The following ADAMTS6 variants were observed in gnomAD, a reference collection of about 807,000 sequenced individuals.
ADAMTS6 encodes the protein ADAM metallopeptidase with thrombospondin type 1 motif 6.
ADAMTS6 carries 23 observed loss-of-function variants against 144.3 expected under a neutral mutation model. The observed-to-expected ratio is 0.16, with a 90% CI of 0.11 to 0.23. The LOEUF is 0.23. Among genes scored for constraint, ADAMTS6 ranks in the 10% least tolerant of loss-of-function variants. ADAMTS6 has a pLI of 1.00. For missense variants in ADAMTS6, 999 were observed against 1,379.6 expected (o/e 0.72, Z 4.37); for synonymous variants, 444 against 457.5 (o/e 0.97, Z 0.38).
intron 2 of ADAMTS6, among the ~76,000 whole-genome samples, chr5:65,472,490 A>G (rs551905989): frequency 2.5e-4 from 38 of 152,326 alleles, no homozygotes; most frequent in African/African-American, 9.1e-4. Flanking sequence ...ATTCTATGGT[A>G]TGTGTAGTAA....
chr5:65,266,531 G>A (rs1002273115), intron 12 of ADAMTS6, among the ~76,000 whole-genome samples: 5 of 151,898 alleles, frequency 3.3e-5, no homozygotes, highest in African/African-American at 7.2e-5. Flanking sequence ...TAGCTAACAA[G>A]TTAACAACTT....
chr5:65,178,352 T>C (rs1754113415), intron 22 of ADAMTS6, among the ~76,000 whole-genome samples: 1 of 152,198 alleles, frequency 6.6e-6, no homozygotes, highest in Admixed American at 6.5e-5. Context: ...AATTTAAAGC[T>C]TGAAATCAAA....
At position 65,170,683 on chromosome 5, in the gene ADAMTS6, C is replaced by G; in HGVS notation, c.3178G>C (p.Val1060Leu). 3.1e-6 allele frequency: 5 copies of G among 1,614,130 alleles called. No homozygotes were observed. Among genetic ancestry groups the G allele is most frequent in the Non-Finnish European group, 4.2e-6 (5 of 1,180,028 alleles). ...GQASSDCLET[V>L]RPPSMQQCES... The stretch of plus-strand genomic sequence containing the variant: ...CACTGCTGCATTGATGGAGGCCGAA[C>G]AGTTTCTAGACAGTCACTAGATGCC... The change falls in exon 24 of 25, where the codon GTT (valine) becomes CTT (leucine). Residue 1060 changes from valine to leucine, a missense_variant. Around this residue, in one of 3 missense-constraint regions of ADAMTS6, gnomAD observed 619 missense variants for 837.0 expected, o/e 0.74. Transcript: ENST00000381055.
intron 11 of ADAMTS6, among the ~76,000 whole-genome samples, chr5:65,286,329 T>C (rs973767565): frequency 6.6e-6 from 1 of 152,158 alleles, no homozygotes; most frequent in Non-Finnish European, 1.5e-5. Flanking sequence ...AATATTCTGA[T>C]AAAAATATGC....
At chr5:65,327,109 A>C (rs1328356637) in intron 9 of ADAMTS6, among the ~76,000 whole-genome samples, 1 of 152,090 alleles carries the variant, frequency 6.6e-6, no homozygotes, top group Admixed American at 6.6e-5. Context: ...ATGAGTTCAC[A>C]TGAGAGCTGG....
At chr5:65,151,999 A>G (rs1752163813) in intron 24 of ADAMTS6, 54 bp from the exon 25 acceptor site, 1 of 1,473,798 alleles carries the variant, frequency 6.8e-7, no homozygotes, top group South Asian at 1.2e-5. Flanking sequence ...AAACAAGTAC[A>G]TAAACAAGCC....
chr5:65,295,891 C>T (rs1285706190), intron 10 of ADAMTS6, among the ~76,000 whole-genome samples: 1 of 151,944 alleles, frequency 6.6e-6, no homozygotes, highest in Non-Finnish European at 1.5e-5. Flanking sequence ...TTAGAGAGGT[C>T]TTATTTACAT....
At chr5:65,423,019 A>C (rs571009593) in intron 7 of ADAMTS6, among the ~76,000 whole-genome samples, 48 of 152,316 alleles carry the variant, frequency 3.2e-4, no homozygotes, top group Middle Eastern at 6.8e-3. Context: ...CTTTTGCAGC[A>C]ACCTGGATGG....
At chr5:65,272,784 G>T (rs1207215836) in intron 12 of ADAMTS6, among the ~76,000 whole-genome samples, 1 of 151,884 alleles carries the variant, frequency 6.6e-6, no homozygotes, top group African/African-American at 2.4e-5. Context: ...AGCTGGGCGT[G>T]GTGGTGTGTA....
rs770752352 is a variant in ADAMTS6, at chr5:65,279,402, C to T, written c.1513-5955G>A. Reference sequence around the variant, plus strand: ...TGCCATCTAGGCTCACTGCAACCTCCGCCTCCCGGGTTCAAGCAAATCTCC... The same window carrying T: ...TGCCATCTAGGCTCACTGCAACCTCTGCCTCCCGGGTTCAAGCAAATCTCC... On this transcript the variant is annotated intron_variant, in intron 11 of 24. Coordinates refer to ENST00000381055, the MANE Select transcript of ADAMTS6 (RefSeq NM_197941.4). Among the ~76,000 whole-genome samples the T allele has an allele frequency of 4.6e-5, 7 of 152,196 alleles. 1 individual carries two copies. Among genetic ancestry groups the T allele is most frequent in the East Asian group, 3.9e-4 (2 of 5,174 alleles).
chr5:65,271,323 G>C (rs1762035354), intron 12 of ADAMTS6, among the ~76,000 whole-genome samples: 1 of 147,540 alleles, frequency 6.8e-6, no homozygotes, highest in Non-Finnish European at 1.5e-5. Context: ...AGGTTGCAGT[G>C]AGCCGAGATA....
At chr5:65,233,049 C>T (rs1018347204) in intron 15 of ADAMTS6, among the ~76,000 whole-genome samples, 10 of 152,040 alleles carry the variant, frequency 6.6e-5, no homozygotes, top group African/African-American at 2.4e-4. Flanking sequence ...TCAACATACA[C>T]AAATCAGGCA....
Position 65,334,098 on chromosome 5 carries a change from C to CA in ADAMTS6, c.1074-14dup. ...GCAGATATCATATCTATGGAGAAAACAGAGATGAAATTTGTAATCTGATCA... is the reference window on the plus strand; with the variant it reads ...GCAGATATCATATCTATGGAGAAAACAAGAGATGAAATTTGTAATCTGATCA... On this transcript the variant is annotated splice_polypyrimidine_tract_variant and intron_variant, in intron 7 of 24. Transcript: ENST00000381055. 7.1e-7 allele frequency: 1 copy of CA among 1,413,574 alleles called. No individual in the cohort carries two copies. Among genetic ancestry groups the CA allele is most frequent in the Non-Finnish European group, 9.3e-7 (1 of 1,079,944 alleles). 87.6% of individuals were successfully genotyped at this position (1,413,574 alleles called of 1,614,324 possible). A position where few individuals can be genotyped will look rare whatever the true frequency, so the allele number is the denominator to read the frequency against.
At chr5:65,451,740 G>T in intron 6 of ADAMTS6, 120 bp from the exon 7 acceptor site, 1 of 1,210,564 alleles carries the variant, frequency 8.3e-7, no homozygotes, top group Non-Finnish European at 1.2e-6. Flanking sequence ...ATAATCTCTT[G>T]CCAATTTTTA....
chr5:65,220,889 C>T (rs1355197865), intron 18 of ADAMTS6, among the ~76,000 whole-genome samples: 1 of 151,990 alleles, frequency 6.6e-6, no homozygotes, highest in Non-Finnish European at 1.5e-5. Context: ...GACAAATTTT[C>T]AGTACGGAAA....
chr5:65,280,311 A>C (rs1455679393), intron 11 of ADAMTS6, among the ~76,000 whole-genome samples: 1 of 152,198 alleles, frequency 6.6e-6, no homozygotes, highest in Non-Finnish European at 1.5e-5. Flanking sequence ...TAAGAATTGG[A>C]TCCAGACTTT....
At chr5:65,257,181 T>G (rs1469186446) in intron 14 of ADAMTS6, among the ~76,000 whole-genome samples, 1 of 151,872 alleles carries the variant, frequency 6.6e-6, no homozygotes, top group Non-Finnish European at 1.5e-5. Flanking sequence ...ACCCTATATT[T>G]TAAGTTCCAG....
rs1491256681 is a variant in ADAMTS6 at position 65,329,637 on chromosome 5, T to TG, written c.1118-155dup. 3.9e-5 allele frequency among the ~76,000 whole-genome samples: 6 copies of TG among 152,202 alleles called. No individual in the cohort carries two copies. In the South Asian group the frequency reaches 8.3e-4, roughly 21 times the overall value. ...ACTTTCTAGTCATTTGCAAAATCAC[T>TG]GGGGGGAATTTCACTTTGCCGGCTA... On this transcript the variant is annotated intron_variant, in intron 8 of 24. Coordinates refer to ENST00000381055, the MANE Select transcript of ADAMTS6 (RefSeq NM_197941.4).
intron 14 of ADAMTS6, among the ~76,000 whole-genome samples, chr5:65,243,792 T>C (rs2112504046): frequency 6.6e-6 from 1 of 152,160 alleles, no homozygotes; most frequent in Non-Finnish European, 1.5e-5. Context: ...AGACTACTTT[T>C]AAAAGCAAAT....
Sources: allele counts gnomAD v4.1 joint callset (sites outside exome capture counted in the v4.1 genomes callset), GRCh38; gene constraint gnomAD v4.1.1; regional missense constraint gnomAD v4.1.1; transcripts MANE v1.5; gene names NCBI Gene and HGNC (gene_info 2026-07-23, HGNC 2026-07-21).